NCAM2: variants seen among roughly 807,000 people sequenced by gnomAD.
The protein encoded by NCAM2 is neural cell adhesion molecule 2.
Under a neutral mutation model 98.1 loss-of-function variants are expected in NCAM2, and 30 were observed. The observed-to-expected ratio is 0.31, with a 90% confidence interval of 0.23 to 0.41. NCAM2 has a LOEUF of 0.41. NCAM2 is among the 10% of genes least tolerant of loss of function. The probability of loss-of-function intolerance (pLI) is 1.00; values close to 1 mark genes in which losing one functional copy is unlikely to be tolerated. For missense variants in NCAM2, 867 were observed against 1,005.8 expected, an observed-to-expected ratio of 0.86 and a Z score of 1.87; for synonymous variants, 368 against 342.4, an observed-to-expected ratio of 1.07 and a Z score of -0.83.
In NCAM2 at chr21:21,541,039, T is replaced by C. The variant is rs190531167; in HGVS notation, c.*3082T>C. 3.0e-3 allele frequency: 458 copies of C among 151,900 alleles called. 2 individuals carry two copies. Among genetic ancestry groups the C allele is most frequent in the African/African-American group, 0.01 (436 of 41,542 alleles). 9.4% of individuals were successfully genotyped at this position (151,900 alleles called of 1,614,324 possible). On this transcript the variant is annotated 3_prime_UTR_variant, in exon 18 of 18. Coordinates refer to ENST00000400546, the MANE Select transcript of NCAM2 (RefSeq NM_004540.5). ...TAATATTAATAACTATAAAAGCATT[T>C]TTCAAAGGCTATTTGATCCAGCACA...
chr21:21,484,548 C>A (rs1427469783), intron 15 of NCAM2, among the ~76,000 whole-genome samples: 1 of 152,000 alleles, frequency 6.6e-6, no homozygotes, highest in Non-Finnish European at 1.5e-5. Context: ...ATAAGTTTGT[C>A]TTGCGTGTTT....
intron 15 of NCAM2, among the ~76,000 whole-genome samples, chr21:21,486,994 T>A (rs1986444984): frequency 6.6e-6 from 1 of 152,114 alleles, no homozygotes; most frequent in African/African-American, 2.4e-5. Context: ...ATTTCACAAC[T>A]CTGAGATACA....
intron 1 of NCAM2, among the ~76,000 whole-genome samples, chr21:21,264,939 G>GTA: frequency 7.2e-5 from 1 of 13,926 alleles, no homozygotes; most frequent in Non-Finnish European, 1.7e-4. Context: ...ATATATATGT[G>GTA]TGTGTATATA....
At chr21:21,414,722 G>T (rs1336080149) in intron 10 of NCAM2, among the ~76,000 whole-genome samples, 2 of 151,796 alleles carry the variant, frequency 1.3e-5, no homozygotes, top group Non-Finnish European at 2.9e-5. Context: ...GCCTGCCTCG[G>T]CCTCCCAAAG....
At chr21:21,313,771 T>G (rs1405776309) in intron 5 of NCAM2, among the ~76,000 whole-genome samples, 1 of 152,068 alleles carries the variant, frequency 6.6e-6, no homozygotes, top group Non-Finnish European at 1.5e-5. Flanking sequence ...TTCCCTGCTC[T>G]AAATTCTTGA....
chr21:21,251,608 G>A (rs975813267), intron 1 of NCAM2, among the ~76,000 whole-genome samples: 2 of 152,076 alleles, frequency 1.3e-5, no homozygotes, highest in African/African-American at 4.8e-5. Context: ...TAGTGCTGCA[G>A]TAAACATACG....
At chr21:21,136,766 A>C (rs1052954015) in intron 1 of NCAM2, among the ~76,000 whole-genome samples, 1 of 151,530 alleles carries the variant, frequency 6.6e-6, no homozygotes, top group Non-Finnish European at 1.5e-5. Flanking sequence ...GGCCCATTTT[A>C]TCTCTTTCTA....
chr21:21,379,487 A>T (rs541241360), intron 9 of NCAM2, among the ~76,000 whole-genome samples: 1 of 152,182 alleles, frequency 6.6e-6, no homozygotes, highest in East Asian at 1.9e-4. Context: ...TAAAAATATA[A>T]TTTTCCATTT....
At chr21:21,500,619 T>C in intron 15 of NCAM2, among the ~76,000 whole-genome samples, 1 of 152,220 alleles carries the variant, frequency 6.6e-6, no homozygotes, top group Non-Finnish European at 1.5e-5. Context: ...AGATAAATAT[T>C]TTGGAATAAT....
intron 14 of NCAM2, among the ~76,000 whole-genome samples, chr21:21,472,967 TACACACACAC>T (rs3039039): frequency 4.9e-5 from 7 of 142,272 alleles, no homozygotes; most frequent in Admixed American, 1.5e-4. Context: ...TACATATATG[TACACACACAC>T]ACACACACAC....
At chr21:21,068,865 T>G (rs576374098) in intron 1 of NCAM2, among the ~76,000 whole-genome samples, 26 of 152,306 alleles carry the variant, frequency 1.7e-4, no homozygotes, top group African/African-American at 5.8e-4. Flanking sequence ...TCTAAAATTT[T>G]CATACCACCC....
chr21:21,488,420 A>G (rs1306148442), intron 15 of NCAM2, among the ~76,000 whole-genome samples: 1 of 152,048 alleles, frequency 6.6e-6, no homozygotes, highest in African/African-American at 2.4e-5. Flanking sequence ...TAAATGAAAT[A>G]TATTGTACAA....
intron 1 of NCAM2, among the ~76,000 whole-genome samples, chr21:21,214,792 T>C (rs1226374611): frequency 2.7e-5 from 4 of 145,818 alleles, no homozygotes; most frequent in Non-Finnish European, 4.5e-5. Context: ...CACATATATA[T>C]ACATATAGGT....
At chr21:21,492,526 A>G (rs1986922982) in intron 15 of NCAM2, among the ~76,000 whole-genome samples, 1 of 151,922 alleles carries the variant, frequency 6.6e-6, no homozygotes, top group African/African-American at 2.4e-5. Context: ...AATGAATATC[A>G]AATTAAATTT....
intron 1 of NCAM2, among the ~76,000 whole-genome samples, chr21:21,189,223 A>T (rs1005119864): frequency 2.6e-5 from 4 of 152,152 alleles, no homozygotes; most frequent in Non-Finnish European, 4.4e-5. Context: ...TTCTATTTTT[A>T]ATGTTTTGTT....
At chr21:21,052,596 T>A (rs1206216258) in intron 1 of NCAM2, among the ~76,000 whole-genome samples, 2 of 152,040 alleles carry the variant, frequency 1.3e-5, no homozygotes, top group Admixed American at 6.5e-5. Context: ...CAAAATCATC[T>A]CTTTCTTTAG....
At chr21:21,334,249 A>G (rs890053054) in intron 6 of NCAM2, among the ~76,000 whole-genome samples, 1 of 152,066 alleles carries the variant, frequency 6.6e-6, no homozygotes, top group Non-Finnish European at 1.5e-5. Context: ...TTATTATTTT[A>G]TGAATCCTAA....
At chr21:21,297,762 A>C (rs970809039) in intron 5 of NCAM2, among the ~76,000 whole-genome samples, 2 of 151,708 alleles carry the variant, frequency 1.3e-5, no homozygotes, top group Non-Finnish European at 2.9e-5. Context: ...TAGATGAAAG[A>C]CCTGGAAATA....
At chr21:21,465,557 A>G (rs1983576049) in intron 12 of NCAM2, among the ~76,000 whole-genome samples, 1 of 35,802 alleles carries the variant, frequency 2.8e-5, no homozygotes, top group African/African-American at 1.4e-4. Context: ...ATTATAATAT[A>G]ATCATTAGAA....
Sources: gnomAD v4.1 joint callset for allele counts (sites outside exome capture counted in the v4.1 genomes callset) on GRCh38, gnomAD v4.1.1 for gene constraint, MANE v1.5 for transcripts, NCBI Gene and HGNC (gene_info 2026-07-23, HGNC 2026-07-21) for gene names.